Variants in RTL9 observed in about 807,000 individuals in gnomAD.
RTL9 encodes the protein retrotransposon Gag like 9.
RTL9 carries 19 observed loss-of-function variants against 44.7 expected under a neutral mutation model. That is an observed-to-expected ratio of 0.42 (90% CI 0.30 to 0.62). The LOEUF (loss-of-function observed/expected upper bound fraction) is 0.62. RTL9 is among the 20% of genes least tolerant of loss of function. The pLI is 0.16. For missense variants in RTL9, 1,105 were observed against 1,080.6 expected, an observed-to-expected ratio of 1.02 and a Z score of -0.32; for synonymous variants, 407 against 398.9, an observed-to-expected ratio of 1.02 and a Z score of -0.24.
upstream of RTL9, among the ~76,000 whole-genome samples, chrX:110,414,852 C>T (rs1429051325): frequency 8.9e-6 from 1 of 112,252 alleles, no homozygotes; most frequent in African/African-American, 3.2e-5. Flanking sequence ...AATGATTTGG[C>T]CCTGTCCTTC....
At chrX:110,406,214 C>T (rs184661214) in intron 1 of RTL9, among the ~76,000 whole-genome samples, 17 of 110,009 alleles carry the variant, frequency 1.5e-4, no homozygotes, top group South Asian at 4.0e-4. Flanking sequence ...CCCATCTACC[C>T]GTCACCTACA....
intron 1 of RTL9, among the ~76,000 whole-genome samples, chrX:110,381,468 G>T (rs1168032675): frequency 8.9e-6 from 1 of 111,968 alleles, no homozygotes; most frequent in Non-Finnish European, 1.9e-5. Flanking sequence ...TGTATACATT[G>T]CTGGTGGCAA....
chrX:110,363,405 T>C (rs1250986069), intron 1 of RTL9, among the ~76,000 whole-genome samples: 1 of 111,530 alleles, frequency 9.0e-6, no homozygotes, highest in Non-Finnish European at 1.9e-5. Context: ...ACTGTAGAAA[T>C]GAGATTGGCT....
At chrX:110,359,317 C>G (rs1168166956) in intron 1 of RTL9, among the ~76,000 whole-genome samples, 1 of 111,592 alleles carries the variant, frequency 9.0e-6, no homozygotes, top group Non-Finnish European at 1.9e-5. Context: ...ACCCATGAAC[C>G]CTCTAATGTT....
chrX:110,390,077 T>C (rs943151766), intron 1 of RTL9, among the ~76,000 whole-genome samples: 4 of 111,652 alleles, frequency 3.6e-5, no homozygotes, highest in Non-Finnish European at 7.5e-5. Flanking sequence ...TGGAGAAACA[T>C]TGCAAGTTGT....
chrX:110,362,497 C>T (rs150341184), intron 1 of RTL9, among the ~76,000 whole-genome samples: 6 of 112,381 alleles, frequency 5.3e-5, no homozygotes, highest in Non-Finnish European at 7.5e-5. Context: ...GACAACTCTA[C>T]GCTTTTCAAC....
At chrX:110,364,664 C>A (rs1475744010) in intron 1 of RTL9, among the ~76,000 whole-genome samples, 2 of 111,667 alleles carry the variant, frequency 1.8e-5, no homozygotes, top group African/African-American at 6.5e-5. Flanking sequence ...AGTTTTGGAA[C>A]CTGTGAAGCT....
chrX:110,363,906 C>T (rs1042803955), intron 1 of RTL9, among the ~76,000 whole-genome samples: 4 of 111,895 alleles, frequency 3.6e-5, no homozygotes, highest in Non-Finnish European at 7.5e-5. Context: ...TTTCAAATGA[C>T]GGAACTGAGG....
At chrX:110,429,515 C>T (rs1042289383) in intron 1 of RTL9, among the ~76,000 whole-genome samples, 1 of 98,759 alleles carries the variant, frequency 1.0e-5, no homozygotes, top group African/African-American at 4.0e-5. Flanking sequence ...GAGGCTTGCT[C>T]TCTTGCCCAG....
chrX:110,366,870 A>T (rs1350653316), intron 1 of RTL9, among the ~76,000 whole-genome samples: 1 of 111,963 alleles, frequency 8.9e-6, no homozygotes, highest in Non-Finnish European at 1.9e-5. Context: ...CATTTCATCC[A>T]TTCATTCTTG....
At chrX:110,455,271 C>T in exon 2 of RTL9, 1 of 1,210,499 alleles carries the variant, frequency 8.3e-7, no homozygotes, top group Non-Finnish European at 1.1e-6. Context: ...TCTTCATGAT[C>T]ACCTTGGACA....
intron 1 of RTL9, among the ~76,000 whole-genome samples, chrX:110,427,745 T>C (rs895156071): frequency 2.7e-5 from 3 of 112,358 alleles, no homozygotes; most frequent in African/African-American, 9.7e-5. Flanking sequence ...TCTATCTCTT[T>C]GGTCATAACC....
At chrX:110,367,973 A>AATT (rs201193443) in intron 1 of RTL9, among the ~76,000 whole-genome samples, 35,765 of 85,069 alleles carry the variant, frequency 0.42, 6,978 homozygotes, top group East Asian at 0.53. Flanking sequence ...AGTGCTGGCT[A>AATT]ATTATTATTA....
rs375557311 is a variant in RTL9 at position 110,453,647 on chromosome X, G to C, written c.3030G>C (p.Val1010=). The C allele has an allele frequency of 4.3e-4, 518 of 1,210,623 alleles. No homozygotes were observed. Among genetic ancestry groups the C allele is most frequent in the South Asian group, 1.4e-3 (79 of 56,802 alleles). The change falls in exon 1 of 2, where the codon GTG becomes GTC. Residue 1010 remains valine, a synonymous_variant. Transcript: ENST00000540313. The stretch of plus-strand genomic sequence containing the variant: ...CCTTGTCACAAACAACATATACCGT[G>C]TCTGGAAGGATGGCCACAGCGCCAA...
At position 110,420,747 on chromosome X, in the gene RTL9, A is replaced by G. The variant is rs139484444; in HGVS notation, c.-168+1612A>G. The stretch of plus-strand genomic sequence containing the variant: ...TTTGCTTCAGTCAGTGCTGCACCAC[A>G]TTTTCCCAACTGGCCTCCGTCGTGA... On this transcript the variant is annotated intron_variant, in intron 1 of 3. Coordinates refer to the RTL9 transcript ENST00000465301. Among the ~76,000 whole-genome samples the G allele has an allele frequency of 3.7e-3, 419 of 111,778 alleles. 1 individual carries two copies. The highest frequency in any genetic ancestry group is 8.4e-3 in the South Asian group (22 of 2,630).
chrX:110,437,395 C>CA (rs2068846683), intron 1 of RTL9, among the ~76,000 whole-genome samples: 1 of 112,431 alleles, frequency 8.9e-6, no homozygotes, highest in Non-Finnish European at 1.9e-5. Context: ...GTCTTCACAA[C>CA]ATTATATGAT....
At chrX:110,394,078 C>A (rs1198654430) in intron 1 of RTL9, among the ~76,000 whole-genome samples, 1 of 112,288 alleles carries the variant, frequency 8.9e-6, no homozygotes, top group Non-Finnish European at 1.9e-5. Context: ...ACCTGACCCG[C>A]CATTGCTACA....
At chrX:110,387,547 C>CT (rs1182065631) in intron 1 of RTL9, among the ~76,000 whole-genome samples, 1 of 111,714 alleles carries the variant, frequency 9.0e-6, no homozygotes, top group Admixed American at 9.5e-5. Context: ...TAAAAGGTAT[C>CT]TTAAGAGTGC....
upstream of RTL9, among the ~76,000 whole-genome samples, chrX:110,450,153 C>T (rs1387749235): frequency 9.0e-6 from 1 of 111,320 alleles, no homozygotes; most frequent in East Asian, 2.8e-4. Context: ...AATAATTATC[C>T]TGGGGCAAAG....
Sources: allele counts gnomAD v4.1 joint callset (sites outside exome capture counted in the v4.1 genomes callset), GRCh38; gene constraint gnomAD v4.1.1; transcripts MANE v1.5; gene names NCBI Gene and HGNC (gene_info 2026-07-23, HGNC 2026-07-21).